The following ACBD5 variants were observed in gnomAD, a reference collection of about 807,000 sequenced individuals.
ACBD5 encodes acyl-CoA-binding domain-containing protein 5.
Under a neutral mutation model 71.8 loss-of-function variants are expected in ACBD5, and 40 were observed. The ratio of observed to expected loss-of-function variants is 0.56; its 90% CI spans 0.43 to 0.72. The LOEUF (loss-of-function observed/expected upper bound fraction) is 0.72. Among genes scored for constraint, ACBD5 ranks in the 30% least tolerant of loss-of-function variants. The pLI, the probability that ACBD5 is intolerant of heterozygous loss-of-function variation, is 0.00. For missense variants in ACBD5, 559 were observed against 644.5 expected, an observed-to-expected ratio of 0.87 and a Z score of 1.44; for synonymous variants, 229 against 218.6, an observed-to-expected ratio of 1.05 and a Z score of -0.42.
intron 2 of ACBD5, among the ~76,000 whole-genome samples, chr10:27,236,664 G>A (rs1027313980): frequency 2.0e-5 from 3 of 152,064 alleles, no homozygotes; most frequent in African/African-American, 4.8e-5. Flanking sequence ...CGAGGCAGGC[G>A]GATCACCGGA....
At chr10:27,219,673 C>T (rs2062089418) in intron 6 of ACBD5, 50 bp downstream of exon 6, 2 of 1,606,972 alleles carry the variant, frequency 1.2e-6, no homozygotes, top group Non-Finnish European at 1.7e-6. Context: ...GTCTTCATAC[C>T]CTCTTAGTTT....
Position 27,196,676 on chromosome 10 carries a change from T to A in ACBD5, c.*754A>T, listed in dbSNP as rs1319341736. 1 of 454,438 alleles carries A rather than the reference T, an allele frequency of 2.2e-6. No individual in the cohort carries two copies. Among genetic ancestry groups the A allele is most frequent in the Non-Finnish European group, 4.4e-6 (1 of 226,800 alleles). 28.2% of individuals were successfully genotyped at this position (454,438 alleles called of 1,614,324 possible). Reference sequence around the variant, plus strand: ...AAAAATGATTACAAAGGAATACATTTATATGATTGAATAAAAACCTGATTA... The same window carrying A: ...AAAAATGATTACAAAGGAATACATTAATATGATTGAATAAAAACCTGATTA... On this transcript the variant is annotated 3_prime_UTR_variant, in exon 13 of 13. Transcript: ENST00000396271.
At chr10:27,185,618 C>CAAAAA (rs34847161) in intron 13 of ACBD5, among the ~76,000 whole-genome samples, 10 of 98,428 alleles carry the variant, frequency 1.0e-4, no homozygotes, top group Admixed American at 1.2e-4. Context: ...AGGTGACAGA[C>CAAAAA]AAAAAAAAAA....
chr10:27,223,283 A>C, intron 5 of ACBD5, 55 bp downstream of exon 5: 1 of 1,274,204 alleles, frequency 7.8e-7, no homozygotes. Context: ...TACAAATATT[A>C]ATATGTGCAT....
Position 27,195,403 on chromosome 10 carries a change from A to C in ACBD5, c.*2027T>G, listed in dbSNP as rs575188299. The stretch of plus-strand genomic sequence containing the variant: ...GTGTGCAAAGTGCTTTTCAAACTAT[A>C]AAATAAGACTTTGGAACAGGATAGA... On this transcript the variant is annotated 3_prime_UTR_variant, in exon 13 of 13. Transcript: ENST00000396271. 7 of 454,510 alleles carry C rather than the reference A, an allele frequency of 1.5e-5. No individual in the cohort carries two copies. The East Asian group carries it at 4.2e-4, about 27-fold the overall frequency. 28.2% of individuals were successfully genotyped at this position (454,510 alleles called of 1,614,324 possible). A position where few individuals can be genotyped will look rare whatever the true frequency, so the allele number is the denominator to read the frequency against.
At position 27,185,310 on chromosome 10, in the gene ACBD5, C is replaced by T. The variant is rs2058622970; in HGVS notation, c.1494-2595G>A. ...CAAGGAGCAGAAAGTAGGCCACACT[C>T]TCTTCCCCTGAGTCAGGGATTCTTT... is the stretch of plus-strand genomic sequence containing the variant. On this transcript the variant is annotated intron_variant, in intron 13 of 13. Transcript: ENST00000676511. 2.0e-5 allele frequency among the ~76,000 whole-genome samples: 3 copies of T among 152,254 alleles called. 1 individual carries two copies. The highest frequency in any genetic ancestry group is 2.4e-5 in the African/African-American group (1 of 41,560).
chr10:27,240,544 A>G lies in ACBD5; in HGVS notation c.16-60T>C. 1.9e-6 allele frequency: 3 copies of G among 1,551,576 alleles called. No homozygotes were observed. Among genetic ancestry groups the G allele is most frequent in the Non-Finnish European group, 2.6e-6 (3 of 1,146,208 alleles). On this transcript the variant is annotated intron_variant, in intron 1 of 12. Coordinates refer to ENST00000396271, the MANE Select transcript of ACBD5 (RefSeq NM_145698.5). This position sits in a 1 kb window ranked among gnomAD's most constrained non-coding sequence, Gnocchi z 4.1. ...CCCAAAAGGAGGAGGCCCGGGAGCG[A>G]AGCGGGTCAGTTCCCCTTTGCCCTG...
intron 13 of ACBD5, among the ~76,000 whole-genome samples, chr10:27,189,515 C>T (rs570746595): frequency 8.6e-5 from 13 of 151,526 alleles, no homozygotes; most frequent in Admixed American, 2.6e-4. Flanking sequence ...AGCAAACTAT[C>T]GCAAGGATAA....
intron 8 of ACBD5, among the ~76,000 whole-genome samples, chr10:27,213,565 C>T (rs1181577667): frequency 6.6e-6 from 1 of 152,140 alleles, no homozygotes; most frequent in South Asian, 2.1e-4. Flanking sequence ...CGAGACCAGC[C>T]TGACCAACAT....
At chr10:27,186,272 A>C in intron 13 of ACBD5, 1 of 1,139,018 alleles carries the variant, frequency 8.8e-7, no homozygotes, top group Non-Finnish European at 1.3e-6. Flanking sequence ...GACATAATAA[A>C]GTAAGGTAAG....
intron 12 of ACBD5, among the ~76,000 whole-genome samples, chr10:27,203,358 G>C (rs1373974681): frequency 6.6e-6 from 1 of 152,122 alleles, no homozygotes; most frequent in Non-Finnish European, 1.5e-5. Context: ...GACAGACTCA[G>C]AATTACTTTC....
chr10:27,235,760 A>G (rs1200099845), intron 2 of ACBD5, among the ~76,000 whole-genome samples: 2 of 152,214 alleles, frequency 1.3e-5, no homozygotes, highest in African/African-American at 4.8e-5. Flanking sequence ...GGAGACATCA[A>G]TTTGAGGATA....
At chr10:27,236,431 G>A (rs183236205) in intron 2 of ACBD5, among the ~76,000 whole-genome samples, 8 of 152,028 alleles carry the variant, frequency 5.3e-5, no homozygotes, top group African/African-American at 7.2e-5. Context: ...AATGTTTAAA[G>A]ACTATCTCTG....
intron 13 of ACBD5, among the ~76,000 whole-genome samples, chr10:27,188,850 C>G (rs1298286586): frequency 6.6e-6 from 1 of 152,168 alleles, no homozygotes; most frequent in Non-Finnish European, 1.5e-5. Context: ...TGTGTGCATG[C>G]ACGTCTTTAA....
chr10:27,223,420 A>C lies in ACBD5; in HGVS notation c.408T>G (p.Val136=). 2 of 1,613,678 alleles carry C rather than the reference A, an allele frequency of 1.2e-6. No individual in the cohort carries two copies. Among genetic ancestry groups the C allele is most frequent in the Non-Finnish European group, 1.7e-6 (2 of 1,179,976 alleles). Residue 136 remains valine, a synonymous_variant, in exon 5 of 13, where the codon GTT becomes GTG. Coordinates refer to ENST00000396271, the MANE Select transcript of ACBD5 (RefSeq NM_145698.5). ...GACCTATGACACGCAGCAATTCTTC[A>C]ACTTTCTCAGTCATTGGCATAGTTT... ...IIETMPMTEK[V]EELLRVIGPF...
At chr10:27,187,285 A>C (rs747610993) in intron 13 of ACBD5, among the ~76,000 whole-genome samples, 2 of 152,214 alleles carry the variant, frequency 1.3e-5, no homozygotes, top group East Asian at 3.9e-4. Context: ...GGGCAACAGA[A>C]CAAGACTCCG....
In ACBD5 at chr10:27,197,033, A is replaced by C; in HGVS notation, c.*397T>G. On this transcript the variant is annotated 3_prime_UTR_variant, in exon 13 of 13. Transcript: ENST00000396271. ...ATTCTTTCTTTTATTTAATTTAGAA[A>C]ATTAAAAATAATAACTTATAAATTT... 1 of 443,620 alleles carries C rather than the reference A, an allele frequency of 2.3e-6. No individual in the cohort carries two copies. The highest frequency in any genetic ancestry group is 1.7e-5 in the South Asian group (1 of 59,792). The allele number at this position is 443,620 out of a possible 1,614,324, so 27.5% of individuals were successfully genotyped here.
chr10:27,197,039 AAAT>A lies in ACBD5; in HGVS notation c.*388_*390del, dbSNP rs1434840413. 4 of 444,346 alleles carry A rather than the reference AAAT, an allele frequency of 9.0e-6. No individual in the cohort carries two copies. The highest frequency in any genetic ancestry group is 4.5e-6 in the Non-Finnish European group (1 of 223,846). The allele number at this position is 444,346 out of a possible 1,614,324, so 27.5% of individuals were successfully genotyped here. Reference sequence around the variant, plus strand: ...TCTTTTATTTAATTTAGAAAATTAAAAATAATAACTTATAAATTTGATCTCATT... The same window carrying A: ...TCTTTTATTTAATTTAGAAAATTAAAAATAACTTATAAATTTGATCTCATT... On this transcript the variant is annotated 3_prime_UTR_variant, in exon 13 of 13. Transcript: ENST00000396271.
At chr10:27,183,212 A>G (rs1413493674) in intron 13 of ACBD5, among the ~76,000 whole-genome samples, 3 of 152,164 alleles carry the variant, frequency 2.0e-5, no homozygotes, top group South Asian at 4.1e-4. Flanking sequence ...ATGCAGGAGT[A>G]TATTAAGCCC....
Sources: gnomAD v4.1 joint callset for allele counts (sites outside exome capture counted in the v4.1 genomes callset) on GRCh38, gnomAD v4.1.1 for gene constraint, Gnocchi (gnomAD v3.1) non-coding constraint, MANE v1.5 for transcripts, NCBI Gene and HGNC (gene_info 2026-07-23, HGNC 2026-07-21) for gene names.